The following CEACAM21 variants were observed in gnomAD, a reference collection of about 807,000 sequenced individuals.
CEACAM21 encodes CEA cell adhesion molecule 21.
CEACAM21 carries 38 observed loss-of-function variants against 33.2 expected under a neutral mutation model. That is an observed-to-expected ratio of 1.14 (90% confidence interval 0.88 to 1.50). The LOEUF is 1.50. CEACAM21 is among the 40% of genes most tolerant of loss of function. The pLI is 0.00. For synonymous variants in CEACAM21, 156 were observed against 143.0 expected, an observed-to-expected ratio of 1.09 and a Z score of -0.65; for missense variants, 385 against 364.6, an observed-to-expected ratio of 1.06 and a Z score of -0.46.
At chr19:41,579,195 C>T in intron 2 of CEACAM21, 158 bp from the exon 3 acceptor site, 1 of 1,210,768 alleles carries the variant, frequency 8.3e-7, no homozygotes. Context: ...ACTGTAGTCC[C>T]TACTGCTCGC....
chr19:41,580,499 A>G (rs567357395), intron 3 of CEACAM21, among the ~76,000 whole-genome samples: 1 of 152,298 alleles, frequency 6.6e-6, no homozygotes, highest in South Asian at 2.1e-4. Flanking sequence ...GACTGGCTTC[A>G]CATTGAGGTT....
exon 2 of CEACAM21, chr19:41,564,845 C>T (rs1436974591): frequency 6.6e-6 from 1 of 152,218 alleles, no homozygotes; most frequent in Admixed American, 6.5e-5. Flanking sequence ...CATTGAACTC[C>T]TTTACTTGGA....
At chr19:41,583,610 G>A (rs567839939) in intron 3 of CEACAM21, among the ~76,000 whole-genome samples, 16 of 152,318 alleles carry the variant, frequency 1.1e-4, no homozygotes, top group South Asian at 1.0e-3. Flanking sequence ...GAAGGTGAAA[G>A]GCATGTCTTA....
At position 41,577,198 on chromosome 19, in the gene CEACAM21, A is replaced by C; in HGVS notation, c.65-2A>C. On this transcript the variant is annotated splice_acceptor_variant, in intron 1 of 6. Transcript: ENST00000401445. LOFTEE classifies it high-confidence loss of function. ...TTGACTGATATTCTCTCCCTTTCCT[A>C]GCCTCACTTTTAACTTTCTGGAACG... 6.2e-7 allele frequency: 1 copy of C among 1,613,772 alleles called. No homozygotes were observed. The highest frequency in any genetic ancestry group is 2.2e-5 in the East Asian group (1 of 44,876).
intron 2 of CEACAM21, among the ~76,000 whole-genome samples, chr19:41,570,722 G>A (rs1399152778): frequency 6.6e-6 from 1 of 152,198 alleles, no homozygotes; most frequent in Non-Finnish European, 1.5e-5. Flanking sequence ...GAGCGTGGAG[G>A]GCTGGGGTTG....
chr19:41,574,817 A>G (rs2042828642), upstream of CEACAM21, among the ~76,000 whole-genome samples: 1 of 152,154 alleles, frequency 6.6e-6, no homozygotes, highest in Non-Finnish European at 1.5e-5. Flanking sequence ...CTACCACATG[A>G]CCCCATATTT....
At chr19:41,572,663 CA>C (rs1432431070), upstream of CEACAM21, among the ~76,000 whole-genome samples, 3 of 152,142 alleles carry the variant, frequency 2.0e-5, no homozygotes, top group Non-Finnish European at 4.4e-5. Context: ...TGTGCACACC[CA>C]AAACCACCCC....
chr19:41,558,861 G>A (rs1009372414), intron 1 of CEACAM21, among the ~76,000 whole-genome samples: 25 of 152,126 alleles, frequency 1.6e-4, no homozygotes, highest in African/African-American at 6.0e-4. Context: ...AAAAGTAAAA[G>A]ACAACATACT....
intron 2 of CEACAM21, among the ~76,000 whole-genome samples, chr19:41,568,936 GA>G (rs1358971140): frequency 6.6e-6 from 1 of 152,158 alleles, no homozygotes; most frequent in African/African-American, 2.4e-5. Flanking sequence ...CATGAACATG[GA>G]ATATCTTCTA....
At chr19:41,552,354 A>G (rs1054998512) in intron 1 of CEACAM21, 16 of 152,220 alleles carry the variant, frequency 1.1e-4, no homozygotes, top group African/African-American at 2.9e-4. Flanking sequence ...CAGACCCCCA[A>G]TTAAATTTGT....
At chr19:41,559,057 A>G (rs75513296) in intron 1 of CEACAM21, among the ~76,000 whole-genome samples, 308 of 152,338 alleles carry the variant, frequency 2.0e-3, no homozygotes, top group Non-Finnish European at 3.1e-3. Context: ...CAAGCAGTCA[A>G]ATGAATCAGT....
At chr19:41,584,245 T>G in intron 3 of CEACAM21, 102 bp from the exon 4 acceptor site, 1 of 952,808 alleles carries the variant, frequency 1.0e-6, no homozygotes, top group East Asian at 2.6e-5. Context: ...TCAGGCTCCA[T>G]GGCATTTCCT....
intron 2 of CEACAM21, among the ~76,000 whole-genome samples, chr19:41,568,058 A>G (rs1477546145): frequency 2.0e-5 from 3 of 152,140 alleles, no homozygotes; most frequent in Non-Finnish European, 4.4e-5. Flanking sequence ...TTTTGGGAAC[A>G]AGTGGCCTTT....
At chr19:41,562,138 T>C (rs782154352) in intron 1 of CEACAM21, among the ~76,000 whole-genome samples, 1 of 151,850 alleles carries the variant, frequency 6.6e-6, no homozygotes, top group Non-Finnish European at 1.5e-5. Context: ...CCCAGCTACT[T>C]GGGAAGCTGA....
chr19:41,560,987 A>G (rs1284726732), intron 1 of CEACAM21, among the ~76,000 whole-genome samples: 1 of 152,216 alleles, frequency 6.6e-6, no homozygotes, highest in Non-Finnish European at 1.5e-5. Flanking sequence ...TATAAAATAA[A>G]AGGTCCAAGA....
chr19:41,555,838 G>T (rs782147330), intron 1 of CEACAM21, among the ~76,000 whole-genome samples: 3 of 152,138 alleles, frequency 2.0e-5, no homozygotes, highest in Non-Finnish European at 4.4e-5. Flanking sequence ...AAGAAACAAG[G>T]AGCCCCCTGC....
At chr19:41,577,165 G>A (rs781858267) in intron 1 of CEACAM21, 35 bp from the exon 2 acceptor site, 5 of 1,612,602 alleles carry the variant, frequency 3.1e-6, no homozygotes, top group South Asian at 1.1e-5. Context: ...CAATGCATAG[G>A]TCAAATATTG....
chr19:41,586,477 C>G lies in CEACAM21; in HGVS notation c.*14C>G, dbSNP rs2070745460. ...CTGTTTTTACAGGAATTGCTACACT[C>G]TGACACAAACATTTACTGCTGGATC... On this transcript the variant is annotated 3_prime_UTR_variant, in exon 7 of 7. Coordinates refer to ENST00000401445, the MANE Select transcript of CEACAM21 (RefSeq NM_001098506.4). 2 of 634,324 alleles carry G rather than the reference C, an allele frequency of 3.2e-6. No individual in the cohort carries two copies. The allele number at this position is 634,324 out of a possible 1,614,324, so 39.3% of individuals were successfully genotyped here.
chr19:41,557,174 T>C lies in CEACAM21; in HGVS notation c.-778-7508T>C, dbSNP rs536858616. Among the ~76,000 whole-genome samples, 7 of 152,248 alleles carry C rather than the reference T, an allele frequency of 4.6e-5. No homozygotes were observed. The East Asian group carries it at 1.4e-3, about 29-fold the overall frequency. On this transcript the variant is annotated intron_variant, in intron 1 of 7. Transcript: ENST00000407170. ...AGGCAATCCCAAAGATCTCCTCCCC[T>C]CCAAAAATTACTCCCAGAATTCGGC...
Sources: gnomAD v4.1 joint callset for allele counts (sites outside exome capture counted in the v4.1 genomes callset) on GRCh38, gnomAD v4.1.1 for gene constraint, MANE v1.5 for transcripts, NCBI Gene and HGNC (gene_info 2026-07-23, HGNC 2026-07-21) for gene names.